Variants in ADCY3 observed in about 807,000 individuals in gnomAD.
The protein encoded by ADCY3 is adenylate cyclase 3, also known as adenylate cyclase type 3.
A neutral mutation model predicts 119.4 loss-of-function variants in ADCY3; 70 were observed. That is an observed-to-expected ratio of 0.59 (90% CI 0.48 to 0.72). The LOEUF is 0.72. Among genes scored for constraint, ADCY3 ranks in the 30% least tolerant of loss-of-function variants. ADCY3 has a pLI of 0.00. For missense variants in ADCY3, 1,238 were observed against 1,541.6 expected (o/e 0.80, Z 3.30); for synonymous variants, 672 against 621.4 (o/e 1.08, Z -1.21).
At chr2:24,835,591 G>A (rs974283574) in intron 9 of ADCY3, among the ~76,000 whole-genome samples, 10 of 152,110 alleles carry the variant, frequency 6.6e-5, no homozygotes, top group Non-Finnish European at 1.0e-4. Context: ...TCACTGAGAC[G>A]GGCTGAGAGC....
In ADCY3 at chr2:24,909,465, A is replaced by G. The variant is rs77390216; in HGVS notation, c.675+8848T>C. ...TGTCACCTAGGGCAGTGTCCTGGACACAGGGGCCGTTGCATGCTTGAGAAG... is the reference window on the plus strand; with the variant it reads ...TGTCACCTAGGGCAGTGTCCTGGACGCAGGGGCCGTTGCATGCTTGAGAAG... On this transcript the variant is annotated intron_variant, in intron 2 of 21. Coordinates refer to ENST00000679454, the MANE Select transcript of ADCY3 (RefSeq NM_004036.5). 1.8e-3 allele frequency among the ~76,000 whole-genome samples: 281 copies of G among 152,316 alleles called. 1 individual carries two copies. The highest frequency in any genetic ancestry group is 6.5e-3 in the African/African-American group (269 of 41,576).
At chr2:24,845,801 T>C (rs899602023) in intron 3 of ADCY3, among the ~76,000 whole-genome samples, 6 of 151,768 alleles carry the variant, frequency 4.0e-5, no homozygotes, top group South Asian at 2.1e-4. Context: ...GGCCCTGAGG[T>C]GTAAGAGGAA....
intron 3 of ADCY3, among the ~76,000 whole-genome samples, chr2:24,850,973 A>G (rs955648434): frequency 5.3e-5 from 8 of 152,246 alleles, no homozygotes; most frequent in African/African-American, 1.9e-4. Flanking sequence ...TTTAACTTGG[A>G]CGACCGAATT....
At chr2:24,821,423 A>C in intron 20 of ADCY3, 94 bp downstream of exon 20, 1 of 1,534,170 alleles carries the variant, frequency 6.5e-7, no homozygotes, top group African/African-American at 1.4e-5. Flanking sequence ...GAATTGCCTC[A>C]GTTGTCCTGA....
chr2:24,848,536 C>G (rs1671921313), intron 3 of ADCY3, among the ~76,000 whole-genome samples: 1 of 152,186 alleles, frequency 6.6e-6, no homozygotes, highest in African/African-American at 2.4e-5. Context: ...TCTAGCACCA[C>G]TGGGTTAGGG....
At chr2:24,820,190 G>A (rs568187997) in intron 21 of ADCY3, 76 bp from the exon 22 acceptor site, 20 of 1,303,898 alleles carry the variant, frequency 1.5e-5, no homozygotes, top group Admixed American at 2.5e-5. Context: ...GCTTTGGGTG[G>A]TTGGAGCCGA....
intron 2 of ADCY3, among the ~76,000 whole-genome samples, chr2:24,876,115 CTT>C (rs1675679052): frequency 1.3e-5 from 2 of 152,140 alleles, no homozygotes; most frequent in Admixed American, 1.3e-4. Flanking sequence ...ACCTCAGCCT[CTT>C]GAGTAGCTGG....
chr2:24,846,643 A>G (rs529193206), intron 3 of ADCY3, among the ~76,000 whole-genome samples: 67 of 151,728 alleles, frequency 4.4e-4, no homozygotes, highest in African/African-American at 1.6e-3. Flanking sequence ...CTGTAGTGCA[A>G]TCTCAGCTCA....
intron 2 of ADCY3, among the ~76,000 whole-genome samples, chr2:24,887,211 A>G (rs1677135293): frequency 6.6e-6 from 1 of 152,138 alleles, no homozygotes. Flanking sequence ...AGCCCTTTAT[A>G]ATACCATCGG....
intron 2 of ADCY3, among the ~76,000 whole-genome samples, chr2:24,900,817 C>A (rs1432348584): frequency 1.3e-5 from 2 of 152,148 alleles, no homozygotes; most frequent in Non-Finnish European, 2.9e-5. Context: ...GTAATCCCAG[C>A]AGTTTGGGAG....
chr2:24,918,174 T>G lies in ADCY3; in HGVS notation c.675+139A>C, dbSNP rs748294940. The stretch of plus-strand genomic sequence containing the variant: ...GGCACAGGGGTGAAAAGGCAGGGAC[T>G]AGGGAGAGAGGTGAGAGCCCCGGAG... On this transcript the variant is annotated intron_variant, in intron 2 of 21. Coordinates refer to ENST00000679454, the MANE Select transcript of ADCY3 (RefSeq NM_004036.5). The surrounding 1 kb of genome is among the most constrained non-coding windows in gnomAD (Gnocchi z 5.4). 41 of 917,656 alleles carry G rather than the reference T, an allele frequency of 4.5e-5. No individual in the cohort carries two copies. Among genetic ancestry groups the G allele is most frequent in the Non-Finnish European group, 6.4e-5 (39 of 609,788 alleles). The allele number at this position is 917,656 out of a possible 1,614,324, so 56.8% of individuals were successfully genotyped here.
intron 6 of ADCY3, among the ~76,000 whole-genome samples, chr2:24,840,782 A>G (rs1450346155): frequency 2.0e-5 from 3 of 152,104 alleles, no homozygotes; most frequent in Admixed American, 2.0e-4. Context: ...CTCACAGCCT[A>G]AGGCTGGAGC....
rs905402009 is a variant in ADCY3, at chr2:24,834,594, T to A, written c.1858A>T (p.Met620Leu). The A allele has an allele frequency of 1.7e-5, 27 of 1,613,972 alleles. No homozygotes were observed. Among genetic ancestry groups the A allele is most frequent in the Non-Finnish European group, 2.3e-5 (27 of 1,180,024 alleles). ...LLSMRFMDPE[M>L]ETRYSVEKEK... ...TTCTCCACCGAGTAGCGGGTTTCCA[T>A]CTCGGGGTCCATGAACCGCATGGAC... is the stretch of plus-strand genomic sequence containing the variant. Residue 620 changes from methionine to leucine, a missense_variant, in exon 11 of 22, where the codon ATG becomes TTG. Physicochemically the swap from Met to Leu is conservative, Grantham distance 15. Transcript: ENST00000679454. The surrounding 1 kb of genome is among the most constrained non-coding windows in gnomAD (Gnocchi z 4.2).
intron 11 of ADCY3, chr2:24,832,182 C>G: frequency 5.4e-6 from 1 of 184,790 alleles, no homozygotes; most frequent in South Asian, 1.1e-4. Context: ...CAGAACAGGA[C>G]AAAGGCCCTG....
chr2:24,843,734 G>C (rs559985616), intron 3 of ADCY3, among the ~76,000 whole-genome samples: 1 of 152,286 alleles, frequency 6.6e-6, no homozygotes, highest in South Asian at 2.1e-4. Flanking sequence ...GCGCTGTGGG[G>C]CCTCTGTGCG....
At chr2:24,889,690 G>A (rs1677454848) in intron 2 of ADCY3, among the ~76,000 whole-genome samples, 1 of 152,150 alleles carries the variant, frequency 6.6e-6, no homozygotes, top group Non-Finnish European at 1.5e-5. Context: ...TACAAAATTG[G>A]CCAGGCGTGA....
chr2:24,918,991 G>C lies in ADCY3; in HGVS notation c.-4C>G. 6.4e-7 allele frequency: 1 copy of C among 1,556,144 alleles called. No homozygotes were observed. The highest frequency in any genetic ancestry group is 8.7e-7 in the Non-Finnish European group (1 of 1,155,480). ...AGAAGCCCTGGTTCCTCGGCATACT[G>C]GCTGGTGTCTGCTACTGGCCCTAGA... On this transcript the variant is annotated 5_prime_UTR_variant, in exon 2 of 22. Coordinates refer to ENST00000679454, the MANE Select transcript of ADCY3 (RefSeq NM_004036.5). The surrounding 1 kb of genome is among the most constrained non-coding windows in gnomAD (Gnocchi z 5.4).
chr2:24,821,098 C>A, intron 20 of ADCY3: 1 of 514,216 alleles, frequency 1.9e-6, no homozygotes, highest in Non-Finnish European at 3.4e-6. Context: ...CAGCTTCTAA[C>A]ACAGCTGGTA....
At chr2:24,827,747 A>G in intron 14 of ADCY3, 139 bp from the exon 15 acceptor site, 1 of 1,414,668 alleles carries the variant, frequency 7.1e-7, no homozygotes, top group East Asian at 2.4e-5. Context: ...AAACAGTGAT[A>G]CGTCTGTGAG....
Sources: gnomAD v4.1 joint callset for allele counts (sites outside exome capture counted in the v4.1 genomes callset) on GRCh38, gnomAD v4.1.1 for gene constraint, Gnocchi (gnomAD v3.1) non-coding constraint, MANE v1.5 for transcripts, NCBI Gene and HGNC (gene_info 2026-07-23, HGNC 2026-07-21) for gene names.